HCN1: variants seen among roughly 807,000 people sequenced by gnomAD.
The protein encoded by HCN1 is hyperpolarization activated cyclic nucleotide gated potassium channel 1.
HCN1 carries 13 observed loss-of-function variants against 78.9 expected under a neutral mutation model. That is an observed-to-expected ratio of 0.16 (90% CI 0.11 to 0.26). The LOEUF (loss-of-function observed/expected upper bound fraction) is 0.26. Among genes scored for constraint, HCN1 ranks in the 10% least tolerant of loss-of-function variants. HCN1 has a pLI of 1.00. For missense variants in HCN1, 810 were observed against 1,154.3 expected, an observed-to-expected ratio of 0.70 and a Z score of 4.32; for synonymous variants, 552 against 455.5, an observed-to-expected ratio of 1.21 and a Z score of -2.70.
At chr5:45,679,833 G>A (rs192088003) in intron 1 of HCN1, among the ~76,000 whole-genome samples, 1 of 151,908 alleles carries the variant, frequency 6.6e-6, no homozygotes, top group Admixed American at 6.6e-5. Flanking sequence ...TATAGCAATG[G>A]GCCTGTTGTT....
intron 3 of HCN1, among the ~76,000 whole-genome samples, chr5:45,429,818 C>T (rs547832283): frequency 6.6e-6 from 1 of 152,110 alleles, no homozygotes; most frequent in African/African-American, 2.4e-5. Context: ...TAGTAGTGGA[C>T]ACACTGACAG....
Position 45,672,913 on chromosome 5 carries a change from T to C in HCN1, c.425+22756A>G, listed in dbSNP as rs565017492. On this transcript the variant is annotated intron_variant, in intron 1 of 7. Coordinates refer to ENST00000303230, the MANE Select transcript of HCN1 (RefSeq NM_021072.4). ...CACCTAATTTCTCTATTTTTAAATA[T>C]TACATCAGTTATAAATAATGAACAA... 1.1e-4 allele frequency among the ~76,000 whole-genome samples: 17 copies of C among 151,642 alleles called. 1 individual carries two copies. Among genetic ancestry groups the C allele is most frequent in the African/African-American group, 4.1e-4 (17 of 41,484 alleles).
In HCN1 at chr5:45,303,803, T is replaced by C; in HGVS notation, c.1414A>G (p.Thr472Ala). The C allele has an allele frequency of 2.5e-6, 4 of 1,613,482 alleles. No individual in the cohort carries two copies. Among genetic ancestry groups the C allele is most frequent in the Non-Finnish European group, 3.4e-6 (4 of 1,179,564 alleles). The stretch of plus-strand genomic sequence containing the variant: ...TCCGCATTAGCAAATAAAGGCATTG[T>C]AGCCACCAGTTTCCGACAGTTGAAG... Reference protein sequence around the residue: ...VNFNCRKLVATMPLFANADPN... With the variant: ...VNFNCRKLVAAMPLFANADPN... Residue 472 changes from threonine (T) to alanine (A), a missense_variant, in exon 6 of 8, where the codon ACA becomes GCA. Thr to Ala is a moderately conservative substitution (Grantham distance 58). This residue lies in a region of HCN1 where 100 missense variants were observed against 126.8 expected (regional missense o/e 0.79). Coordinates refer to ENST00000303230, the MANE Select transcript of HCN1 (RefSeq NM_021072.4).
At chr5:45,542,663 C>T (rs1029419513) in intron 2 of HCN1, among the ~76,000 whole-genome samples, 8 of 152,062 alleles carry the variant, frequency 5.3e-5, no homozygotes, top group African/African-American at 1.4e-4. Context: ...ACACAACAGG[C>T]GTGAAATTCA....
rs1413736155 is a variant in HCN1, at chr5:45,535,104, A to G, written c.850-73097T>C. Among the ~76,000 whole-genome samples the G allele has an allele frequency of 2.6e-5, 4 of 152,214 alleles. No homozygotes were observed. In the East Asian group the frequency reaches 7.7e-4, roughly 29 times the overall value. Reference sequence around the variant, plus strand: ...CCAAAAACAATAGCAATATGCCTTTATTTTAAAAAATGCAAATCATAGGAT... The same window carrying G: ...CCAAAAACAATAGCAATATGCCTTTGTTTTAAAAAATGCAAATCATAGGAT... On this transcript the variant is annotated intron_variant, in intron 2 of 7. Transcript: ENST00000303230.
chr5:45,630,288 A>G (rs16902191), intron 2 of HCN1, among the ~76,000 whole-genome samples: 9,872 of 152,264 alleles, frequency 0.065, 395 homozygotes, highest in East Asian at 0.15. Flanking sequence ...TTTGAACAAC[A>G]GAGTATGGAT....
At chr5:45,639,251 C>CAATATTTG (rs1745411041) in intron 2 of HCN1, among the ~76,000 whole-genome samples, 1 of 151,952 alleles carries the variant, frequency 6.6e-6, no homozygotes, top group Non-Finnish European at 1.5e-5. Flanking sequence ...ATAGAGGACA[C>CAATATTTG]CTAGTGGTCT....
intron 1 of HCN1, among the ~76,000 whole-genome samples, chr5:45,657,984 C>A (rs2112051565): frequency 6.6e-6 from 1 of 152,318 alleles, no homozygotes; most frequent in Non-Finnish European, 1.5e-5. Context: ...TACCTGACTT[C>A]AAACTATACT....
intron 5 of HCN1, among the ~76,000 whole-genome samples, chr5:45,324,170 TAAAGAGCTTCTGCACAGCAAAAGAAACC>T (rs1257482049): frequency 6.6e-6 from 1 of 151,736 alleles, no homozygotes; most frequent in African/African-American, 2.4e-5. Flanking sequence ...CTAATTAAAC[TAAAGAGCTTCTGCACAGCAAAAGAAACC>T]ACAATCTGAG....
Position 45,255,983 on chromosome 5 carries a change from A to C in HCN1, c.*5938T>G, listed in dbSNP as rs1744603521. ...AACATAAAGTGGTCCTCTTTTGAAG[A>C]ATTATTATATTTACTAATTTATTCA... On this transcript the variant is annotated 3_prime_UTR_variant, in exon 8 of 8. Transcript: ENST00000303230. The C allele has an allele frequency of 6.6e-6, 1 of 152,146 alleles. No individual in the cohort carries two copies. The highest frequency in any genetic ancestry group is 2.1e-4 in the South Asian group (1 of 4,834). 9.4% of individuals were successfully genotyped at this position (152,146 alleles called of 1,614,324 possible).
intron 2 of HCN1, among the ~76,000 whole-genome samples, chr5:45,488,831 T>C (rs1228515472): frequency 6.6e-6 from 1 of 152,158 alleles, no homozygotes; most frequent in African/African-American, 2.4e-5. Flanking sequence ...TAGTTTATAT[T>C]TTATACTAGG....
rs929797342 is a variant in HCN1 at position 45,504,030 on chromosome 5, C to A, written c.850-42023G>T. Among the ~76,000 whole-genome samples, 6 of 152,080 alleles carry A rather than the reference C, an allele frequency of 3.9e-5. No individual in the cohort carries two copies. In the East Asian group the frequency reaches 9.7e-4, roughly 24 times the overall value. ...TGAACTCCTGACCTCATGTGATCCACCCACCCAGCCTCCAAAAGTGCTAGG... is the reference window on the plus strand; with the variant it reads ...TGAACTCCTGACCTCATGTGATCCAACCACCCAGCCTCCAAAAGTGCTAGG... On this transcript the variant is annotated intron_variant, in intron 2 of 7. Transcript: ENST00000303230.
intron 4 of HCN1, among the ~76,000 whole-genome samples, chr5:45,372,127 TATATA>T (rs1309811547): frequency 1.8e-5 from 1 of 55,824 alleles, no homozygotes; most frequent in Non-Finnish European, 2.7e-5. Flanking sequence ...ATATATTATA[TATATA>T]ATATAATAAT....
rs575218417 is a variant in HCN1 at position 45,488,186 on chromosome 5, G to A, written c.850-26179C>T. On this transcript the variant is annotated intron_variant, in intron 2 of 7. Coordinates refer to ENST00000303230, the MANE Select transcript of HCN1 (RefSeq NM_021072.4). Reference sequence around the variant, plus strand: ...TACCTTCTCCCAACACTACCCCAACGACCTGTCCCTACACTTATAATTCTC... The same window carrying A: ...TACCTTCTCCCAACACTACCCCAACAACCTGTCCCTACACTTATAATTCTC... Among the ~76,000 whole-genome samples, 22 of 151,526 alleles carry A rather than the reference G, an allele frequency of 1.5e-4. 1 individual carries two copies. Among genetic ancestry groups the A allele is most frequent in the African/African-American group, 4.8e-4 (20 of 41,326 alleles).
Position 45,616,696 on chromosome 5 carries a change from A to G in HCN1, c.849+28489T>C, listed in dbSNP as rs376722113. Among the ~76,000 whole-genome samples the G allele has an allele frequency of 2.6e-5, 4 of 152,150 alleles. 1 individual carries two copies. In the South Asian group the frequency reaches 8.3e-4, roughly 32 times the overall value. The stretch of plus-strand genomic sequence containing the variant: ...AAAAGAAGAAAGAGAAGTTAATGAA[A>G]AAATATCCTTTGGCTCTTCCATTAA... On this transcript the variant is annotated intron_variant, in intron 2 of 7. Transcript: ENST00000303230.
intron 5 of HCN1, among the ~76,000 whole-genome samples, chr5:45,310,935 T>C (rs1745840084): frequency 6.6e-6 from 1 of 152,162 alleles, no homozygotes; most frequent in Non-Finnish European, 1.5e-5. Flanking sequence ...AAGCCTCATG[T>C]TCTCACTTAC....
rs372808808 is a variant in HCN1 at position 45,255,991 on chromosome 5, T to C, written c.*5930A>G. On this transcript the variant is annotated 3_prime_UTR_variant, in exon 8 of 8. Transcript: ENST00000303230. ...GTGGTCCTCTTTTGAAGAATTATTA[T>C]ATTTACTAATTTATTCAGATTTCTT... 1 of 152,214 alleles carries C rather than the reference T, an allele frequency of 6.6e-6. No individual in the cohort carries two copies. Among genetic ancestry groups the C allele is most frequent in the African/African-American group, 2.4e-5 (1 of 41,458 alleles). The allele number at this position is 152,214 out of a possible 1,614,324, so 9.4% of individuals were successfully genotyped here. A position where few individuals can be genotyped will look rare whatever the true frequency, so the allele number is the denominator to read the frequency against.
At chr5:45,489,569 AC>A (rs972527881) in intron 2 of HCN1, among the ~76,000 whole-genome samples, 1 of 152,124 alleles carries the variant, frequency 6.6e-6, no homozygotes, top group African/African-American at 2.4e-5. Flanking sequence ...CTCTGTTTCC[AC>A]CATGATTAAA....
intron 3 of HCN1, among the ~76,000 whole-genome samples, chr5:45,447,964 G>A (rs1024972161): frequency 9.2e-5 from 14 of 151,650 alleles, no homozygotes; most frequent in African/African-American, 2.9e-4. Context: ...CTCTGACCAC[G>A]CAACACAAAA....
Sources: allele counts gnomAD v4.1 joint callset (sites outside exome capture counted in the v4.1 genomes callset), GRCh38; gene constraint gnomAD v4.1.1; regional missense constraint gnomAD v4.1.1; transcripts MANE v1.5; gene names NCBI Gene and HGNC (gene_info 2026-07-23, HGNC 2026-07-21).